The following ERAP1 variants were observed in gnomAD, a reference collection of about 807,000 sequenced individuals.
The protein encoded by ERAP1 is endoplasmic reticulum aminopeptidase 1.
In ERAP1, 86 loss-of-function variants were observed where a neutral mutation model predicts 103.7. That is an observed-to-expected ratio of 0.83 (90% CI 0.70 to 0.99). The LOEUF is 0.99. Among genes scored for constraint, ERAP1 ranks in the 50% least tolerant of loss-of-function variants. ERAP1 has a pLI of 0.00. For synonymous variants in ERAP1, 398 were observed against 402.4 expected (o/e 0.99, Z 0.13); for missense variants, 1,009 against 1,128.4 (o/e 0.89, Z 1.52).
the ERAP1 span, among the ~76,000 whole-genome samples, chr5:96,840,402 C>G: frequency 6.6e-6 from 1 of 151,980 alleles, no homozygotes; most frequent in Non-Finnish European, 1.5e-5. Flanking sequence ...TTTTCTCTTT[C>G]CCCCAGTGAA....
At chr5:96,856,095 C>A in the ERAP1 span, among the ~76,000 whole-genome samples, 2 of 151,354 alleles carry the variant, frequency 1.3e-5, no homozygotes, top group Admixed American at 1.3e-4. Flanking sequence ...CCCAGGCGGG[C>A]AGATTATGAG....
At chr5:96,912,833 A>C in the ERAP1 span, 1 of 1,537,658 alleles carries the variant, frequency 6.5e-7, no homozygotes, top group Non-Finnish European at 8.8e-7. Flanking sequence ...TGTTATAAGT[A>C]AACTGACACA....
At chr5:96,917,780 C>A in the ERAP1 span, 1 of 387,820 alleles carries the variant, frequency 2.6e-6, no homozygotes, top group Non-Finnish European at 4.7e-6. Context: ...GTGGCAGGTG[C>A]CTGTAGTCCC....
intron 18 of ERAP1, 129 bp from the exon 19 acceptor site, chr5:96,776,680 G>T: frequency 1.5e-6 from 2 of 1,341,748 alleles, no homozygotes; most frequent in Non-Finnish European, 2.0e-6. Context: ...CCAGCTGTCT[G>T]AATAGGATTA....
the ERAP1 span, chr5:96,901,619 A>C: frequency 6.2e-7 from 1 of 1,614,086 alleles, no homozygotes; most frequent in Non-Finnish European, 8.5e-7. Context: ...TCCGACTGCA[A>C]CAGGAGCGCT....
the ERAP1 span, among the ~76,000 whole-genome samples, chr5:96,856,349 A>AAATATATATATATAT: frequency 1.2e-4 from 1 of 8,540 alleles, no homozygotes; most frequent in African/African-American, 3.6e-4. Context: ...AAAAAAAAAA[A>AAATATATATATATAT]ATATATATAT....
At chr5:96,851,244 T>C in the ERAP1 span, among the ~76,000 whole-genome samples, 2 of 152,200 alleles carry the variant, frequency 1.3e-5, no homozygotes, top group Non-Finnish European at 2.9e-5. Context: ...AGTAATTTTC[T>C]AGGCAATAAT....
At chr5:96,917,516 C>A in the ERAP1 span, 2 of 1,613,564 alleles carry the variant, frequency 1.2e-6, no homozygotes, top group South Asian at 1.1e-5. Flanking sequence ...GGATATTTTT[C>A]AAACTGTTCT....
the ERAP1 span, among the ~76,000 whole-genome samples, chr5:96,882,843 TC>T: frequency 6.6e-6 from 1 of 152,210 alleles, no homozygotes; most frequent in Non-Finnish European, 1.5e-5. Flanking sequence ...TGACAGCTTC[TC>T]TTTTTTCCCT....
At chr5:96,846,684 G>A in the ERAP1 span, among the ~76,000 whole-genome samples, 1 of 151,968 alleles carries the variant, frequency 6.6e-6, no homozygotes, top group Non-Finnish European at 1.5e-5. Context: ...TTAAAGTCCT[G>A]AACAACAATT....
chr5:96,843,635 C>T, the ERAP1 span, among the ~76,000 whole-genome samples: 1 of 152,222 alleles, frequency 6.6e-6, no homozygotes, highest in Non-Finnish European at 1.5e-5. Context: ...CTGCCTCAGA[C>T]CCTGTTTCCC....
the ERAP1 span, chr5:96,913,464 AT>A: frequency 6.2e-7 from 1 of 1,613,698 alleles, no homozygotes; most frequent in South Asian, 1.1e-5. Context: ...AAAAGTTGGT[AT>A]TCATTTTCAT....
chr5:96,821,058 G>A, the ERAP1 span, among the ~76,000 whole-genome samples: 3 of 152,192 alleles, frequency 2.0e-5, no homozygotes, highest in Non-Finnish European at 2.9e-5. Context: ...AATTTGCAGT[G>A]CAGGCTGGCA....
At chr5:96,788,393 G>A in intron 11 of ERAP1, 138 bp downstream of exon 11, 1 of 1,061,742 alleles carries the variant, frequency 9.4e-7, no homozygotes, top group East Asian at 2.5e-5. Flanking sequence ...GGGAGTATAA[G>A]TCAACTTCAT....
At chr5:96,932,739 A>G in the ERAP1 span, among the ~76,000 whole-genome samples, 18 of 152,150 alleles carry the variant, frequency 1.2e-4, no homozygotes, top group Non-Finnish European at 2.2e-4. Context: ...ATATTCATTG[A>G]TTATCAAGTT....
At chr5:96,902,262 T>C in the ERAP1 span, 6 of 1,569,760 alleles carry the variant, frequency 3.8e-6, no homozygotes, top group Middle Eastern at 3.3e-4. Flanking sequence ...CTATCTTTAC[T>C]CTCTGTCATA....
chr5:96,855,202 A>T, the ERAP1 span, among the ~76,000 whole-genome samples: 1 of 152,224 alleles, frequency 6.6e-6, no homozygotes, highest in Non-Finnish European at 1.5e-5. Context: ...GATAATTAAC[A>T]TTAAAGAAAC....
At chr5:96,901,130 G>C in the ERAP1 span, among the ~76,000 whole-genome samples, 1 of 152,022 alleles carries the variant, frequency 6.6e-6, no homozygotes, top group Non-Finnish European at 1.5e-5. Flanking sequence ...TATTTCCCTC[G>C]TAAACCACCC....
At chr5:96,807,271 A>C (rs1257705125) in intron 1 of ERAP1, among the ~76,000 whole-genome samples, 1 of 152,192 alleles carries the variant, frequency 6.6e-6, no homozygotes, top group Non-Finnish European at 1.5e-5. Flanking sequence ...GCTGACCAGA[A>C]GAACAGGAGA....
Sources: allele counts gnomAD v4.1 joint callset (sites outside exome capture counted in the v4.1 genomes callset), GRCh38; gene constraint gnomAD v4.1.1; transcripts MANE v1.5; gene names NCBI Gene and HGNC (gene_info 2026-07-23, HGNC 2026-07-21).